Variants in EYS observed in about 807,000 individuals in gnomAD.
EYS encodes the protein protein eyes shut homolog.
A neutral mutation model predicts 282.1 loss-of-function variants in EYS; 250 were observed. That is an observed-to-expected ratio of 0.89 (90% CI 0.80 to 0.98). The LOEUF (loss-of-function observed/expected upper bound fraction) is 0.98, where lower values mean the gene tolerates loss of function less well. EYS is among the 50% of genes least tolerant of loss of function. EYS has a pLI of 0.00. For synonymous variants in EYS, 1,355 were observed against 1,282.9 expected (o/e 1.06, Z -1.20); for missense variants, 4,016 against 3,709.0 (o/e 1.08, Z -2.15).
At chr6:64,429,639 G>C (rs1266741979) in intron 28 of EYS, among the ~76,000 whole-genome samples, 1 of 152,048 alleles carries the variant, frequency 6.6e-6, no homozygotes, top group Non-Finnish European at 1.5e-5. Flanking sequence ...TTGAGACCCT[G>C]TCTCAAAGAA....
intron 41 of EYS, among the ~76,000 whole-genome samples, chr6:63,740,713 T>C (rs990791787): frequency 6.6e-6 from 1 of 152,226 alleles, no homozygotes; most frequent in African/African-American, 2.4e-5. Flanking sequence ...GCATAGATAG[T>C]TGATACTTTT....
chr6:64,852,557 G>A (rs11756855), intron 19 of EYS, among the ~76,000 whole-genome samples: 6,288 of 152,044 alleles, frequency 0.041, 165 homozygotes, highest in East Asian at 0.1. Context: ...ACTAATACAC[G>A]TCTACCATAA....
chr6:63,789,047 T>G lies in EYS; in HGVS notation c.7578+11A>C, dbSNP rs1330353386. The stretch of plus-strand genomic sequence containing the variant: ...TCAGTTTGTGGAAGTGACGAAGGAA[T>G]GACTCTTTACCTTCAGCCAGCCCTC... On this transcript the variant is annotated intron_variant, in intron 38 of 42. Transcript: ENST00000503581. The G allele has an allele frequency of 6.5e-7, 1 of 1,550,334 alleles. No homozygotes were observed. The highest frequency in any genetic ancestry group is 2.0e-5 in the Admixed American group (1 of 50,912).
chr6:64,953,860 A>G (rs1243058491), intron 14 of EYS, among the ~76,000 whole-genome samples: 1 of 152,006 alleles, frequency 6.6e-6, no homozygotes. Flanking sequence ...ATACAAATAC[A>G]TGAAGAATAT....
At chr6:64,311,915 G>A (rs1769723288) in intron 29 of EYS, among the ~76,000 whole-genome samples, 1 of 151,646 alleles carries the variant, frequency 6.6e-6, no homozygotes, top group African/African-American at 2.4e-5. Context: ...TGCTACCAGG[G>A]CCCTGGGTTT....
chr6:65,418,406 A>C (rs1767322698), intron 5 of EYS, among the ~76,000 whole-genome samples: 1 of 152,180 alleles, frequency 6.6e-6, no homozygotes, highest in South Asian at 2.1e-4. Context: ...ATTCTGCTAT[A>C]AGGACACATG....
chr6:65,251,382 T>C (rs1767318857), intron 12 of EYS, among the ~76,000 whole-genome samples: 1 of 151,484 alleles, frequency 6.6e-6, no homozygotes, highest in Admixed American at 6.6e-5. Flanking sequence ...TTACAAACTA[T>C]AAAAATTTTA....
At chr6:64,243,085 A>G in intron 30 of EYS, among the ~76,000 whole-genome samples, 1 of 148,488 alleles carries the variant, frequency 6.7e-6, no homozygotes, top group Middle Eastern at 3.6e-3. Flanking sequence ...ATATATTTAC[A>G]TATATGTAAT....
chr6:65,042,693 G>C (rs1772975287), intron 13 of EYS, among the ~76,000 whole-genome samples: 1 of 151,076 alleles, frequency 6.6e-6, no homozygotes, highest in African/African-American at 2.4e-5. Context: ...TTAAACAGTT[G>C]CATGTGTTTT....
At chr6:64,473,263 G>T (rs1211772480) in intron 26 of EYS, among the ~76,000 whole-genome samples, 1 of 152,104 alleles carries the variant, frequency 6.6e-6, no homozygotes, top group Non-Finnish European at 1.5e-5. Flanking sequence ...ATCATGCGGT[G>T]TTCTTTATTA....
intron 5 of EYS, among the ~76,000 whole-genome samples, chr6:65,471,229 CAAAAAAAAAA>C (rs527251318): frequency 3.1e-5 from 3 of 96,724 alleles, no homozygotes; most frequent in Admixed American, 1.2e-4. Context: ...CTCATCTTTA[CAAAAAAAAAA>C]AAAAAAAAAA....
chr6:64,922,564 T>C (rs1033005656), intron 15 of EYS, among the ~76,000 whole-genome samples: 15 of 152,308 alleles, frequency 9.8e-5, no homozygotes, highest in African/African-American at 3.6e-4. Flanking sequence ...TCAGGATATA[T>C]ATTAGTTAAT....
At chr6:65,334,842 A>G (rs1231251645) in intron 11 of EYS, 138 bp downstream of exon 11, 6 of 695,906 alleles carry the variant, frequency 8.6e-6, no homozygotes, top group Admixed American at 2.3e-5. Context: ...CTATATATGT[A>G]TATGTAAGTG....
intron 22 of EYS, among the ~76,000 whole-genome samples, chr6:64,713,493 A>G (rs1771275931): frequency 1.3e-5 from 2 of 152,298 alleles, no homozygotes; most frequent in Admixed American, 1.3e-4. Context: ...AAAAGGAGAT[A>G]TTTCCTTCAT....
intron 26 of EYS, among the ~76,000 whole-genome samples, chr6:64,578,941 T>A (rs1240273543): frequency 6.6e-6 from 1 of 152,124 alleles, no homozygotes; most frequent in Non-Finnish European, 1.5e-5. Flanking sequence ...CAACTTGTCA[T>A]ACTGCACCAC....
intron 31 of EYS, among the ~76,000 whole-genome samples, chr6:64,119,285 A>G (rs1157899053): frequency 1.3e-5 from 2 of 152,158 alleles, no homozygotes; most frequent in Non-Finnish European, 2.9e-5. Flanking sequence ...TAATATTAAA[A>G]TAATTAGTTT....
chr6:64,708,140 G>A (rs530306089), intron 22 of EYS, among the ~76,000 whole-genome samples: 2 of 152,166 alleles, frequency 1.3e-5, no homozygotes, highest in Non-Finnish European at 2.9e-5. Context: ...TGAGTAACAC[G>A]TATGCAGGCC....
chr6:64,148,438 C>T (rs1213009443), intron 31 of EYS, among the ~76,000 whole-genome samples: 1 of 152,096 alleles, frequency 6.6e-6, no homozygotes, highest in Non-Finnish European at 1.5e-5. Flanking sequence ...TCTTTTCATA[C>T]AGAGAGAATA....
At chr6:65,172,559 A>T (rs901205977) in intron 12 of EYS, among the ~76,000 whole-genome samples, 1 of 151,388 alleles carries the variant, frequency 6.6e-6, no homozygotes, top group Non-Finnish European at 1.5e-5. Context: ...AATGTAAAAC[A>T]TGTACCAAAT....
Sources: gnomAD v4.1 joint callset for allele counts (sites outside exome capture counted in the v4.1 genomes callset) on GRCh38, gnomAD v4.1.1 for gene constraint, MANE v1.5 for transcripts, NCBI Gene and HGNC (gene_info 2026-07-23, HGNC 2026-07-21) for gene names.